The following CRB1 variants were observed in gnomAD, a reference collection of about 807,000 sequenced individuals.
CRB1 encodes the protein protein crumbs homolog 1.
A neutral mutation model predicts 120.0 loss-of-function variants in CRB1; 83 were observed. The ratio of observed to expected loss-of-function variants is 0.69; its 90% CI spans 0.58 to 0.83. The LOEUF is 0.83. Ranked by LOEUF, CRB1 falls within the 40% of genes least tolerant of loss-of-function variation. The probability of loss-of-function intolerance (pLI) is 0.00; values close to 1 mark genes in which losing one functional copy is unlikely to be tolerated. For synonymous variants in CRB1, 625 were observed against 612.5 expected, an observed-to-expected ratio of 1.02 and a Z score of -0.30; for missense variants, 1,699 against 1,687.6, an observed-to-expected ratio of 1.01 and a Z score of -0.12.
intron 1 of CRB1, among the ~76,000 whole-genome samples, chr1:197,288,058 C>T (rs143198490): frequency 2.6e-4 from 39 of 151,852 alleles, no homozygotes; most frequent in East Asian, 1.8e-3. Context: ...TCATAGAGAG[C>T]CGAGTGTTTG....
At chr1:197,337,345 T>C (rs1160086001) in intron 2 of CRB1, among the ~76,000 whole-genome samples, 1 of 152,094 alleles carries the variant, frequency 6.6e-6, no homozygotes, top group African/African-American at 2.4e-5. Flanking sequence ...AAATATATAG[T>C]AATATAAAGA....
intron 5 of CRB1, among the ~76,000 whole-genome samples, chr1:197,366,049 T>A (rs564747953): frequency 1.2e-4 from 19 of 152,156 alleles, no homozygotes; most frequent in East Asian, 7.7e-4. Context: ...AGAAAAAAAA[T>A]TTTTTTAATG....
At chr1:197,338,667 C>A (rs1028814728) in intron 2 of CRB1, among the ~76,000 whole-genome samples, 6 of 152,024 alleles carry the variant, frequency 3.9e-5, no homozygotes, top group African/African-American at 1.4e-4. Flanking sequence ...AATATGGAAA[C>A]CACAGGTTAT....
At chr1:197,334,401 T>A (rs1372925963) in intron 2 of CRB1, among the ~76,000 whole-genome samples, 1 of 152,102 alleles carries the variant, frequency 6.6e-6, no homozygotes, top group Non-Finnish European at 1.5e-5. Flanking sequence ...AATGCAATAG[T>A]ATTGGGAGGT....
chr1:197,204,435 A>C, the CRB1 span, among the ~76,000 whole-genome samples: 1 of 152,190 alleles, frequency 6.6e-6, no homozygotes, highest in Non-Finnish European at 1.5e-5. Flanking sequence ...GTCCCAGCCA[A>C]CATCTATTAT....
intron 8 of CRB1, among the ~76,000 whole-genome samples, chr1:197,431,183 G>A (rs769704148): frequency 7.9e-5 from 12 of 152,086 alleles, no homozygotes; most frequent in African/African-American, 2.7e-4. Context: ...ACTGGGCCCC[G>A]AAGTAACTGA....
chr1:197,417,088 T>C (rs148958958), intron 5 of CRB1, among the ~76,000 whole-genome samples: 66 of 152,298 alleles, frequency 4.3e-4, no homozygotes, highest in African/African-American at 1.5e-3. Context: ...GAGATTTCGT[T>C]GGAGAGGCTT....
At chr1:197,235,901 C>T in the CRB1 span, among the ~76,000 whole-genome samples, 1 of 152,028 alleles carries the variant, frequency 6.6e-6, no homozygotes, top group Non-Finnish European at 1.5e-5. Flanking sequence ...ACCATGATCC[C>T]ATCCTGGTGA....
intron 6 of CRB1, 88 bp downstream of exon 6, chr1:197,422,044 C>A: frequency 8.1e-7 from 1 of 1,231,196 alleles, no homozygotes; most frequent in Non-Finnish European, 1.2e-6. Flanking sequence ...CTTCTGCCTG[C>A]TATGAAACAT....
intron 4 of CRB1, among the ~76,000 whole-genome samples, chr1:197,348,125 G>A (rs1266113576): frequency 2.0e-5 from 3 of 152,180 alleles, no homozygotes; most frequent in Non-Finnish European, 2.9e-5. Context: ...ATATACAACC[G>A]TGGTCCTGTA....
intron 2 of CRB1, 103 bp from the exon 3 acceptor site, chr1:197,344,178 A>G: frequency 8.8e-7 from 1 of 1,130,760 alleles, no homozygotes; most frequent in Non-Finnish European, 1.4e-6. Flanking sequence ...GGGTAACAGA[A>G]CATTTGACAA....
At chr1:197,427,169 C>T (rs1415595589) in intron 6 of CRB1, among the ~76,000 whole-genome samples, 1 of 152,232 alleles carries the variant, frequency 6.6e-6, no homozygotes, top group South Asian at 2.1e-4. Flanking sequence ...TTTATCAGTG[C>T]AGAGATCTTT....
intron 11 of CRB1, among the ~76,000 whole-genome samples, chr1:197,476,726 T>C (rs1667214927): frequency 6.6e-6 from 1 of 152,090 alleles, no homozygotes; most frequent in African/African-American, 2.4e-5. Context: ...AATAGATTGG[T>C]TTGGTAACGT....
the CRB1 span, among the ~76,000 whole-genome samples, chr1:197,214,639 A>T: frequency 6.6e-6 from 1 of 152,044 alleles, no homozygotes; most frequent in Non-Finnish European, 1.5e-5. Flanking sequence ...TAAAAAACAA[A>T]GTCTGATCTG....
the CRB1 span, among the ~76,000 whole-genome samples, chr1:197,224,086 C>T: frequency 0.061 from 9,284 of 151,994 alleles, 959 homozygotes; most frequent in African/African-American, 0.21. Flanking sequence ...TAAAGACTGA[C>T]ACGTTAATAA....
At chr1:197,289,125 A>G (rs892561085) in intron 1 of CRB1, among the ~76,000 whole-genome samples, 1 of 151,792 alleles carries the variant, frequency 6.6e-6, no homozygotes, top group Non-Finnish European at 1.5e-5. Context: ...ACAGACCAAA[A>G]AAACAAAAGC....
chr1:197,272,723 AGAC>A (rs886960529), intron 1 of CRB1, among the ~76,000 whole-genome samples: 1 of 152,200 alleles, frequency 6.6e-6, no homozygotes, highest in Non-Finnish European at 1.5e-5. Context: ...ATCCTGTAAA[AGAC>A]AAAATTATAG....
intron 1 of CRB1, among the ~76,000 whole-genome samples, chr1:197,274,172 C>A (rs1474248767): frequency 1.3e-5 from 2 of 152,028 alleles, no homozygotes; most frequent in Non-Finnish European, 2.9e-5. Context: ...CAGTGAGAAA[C>A]CTGATTTCCA....
In CRB1 at chr1:197,421,672, G is replaced by A. The variant is rs768905244; in HGVS notation, c.1844G>A (p.Gly615Asp). 6 of 1,614,002 alleles carry A rather than the reference G, an allele frequency of 3.7e-6. No individual in the cohort carries two copies. The highest frequency in any genetic ancestry group is 1.7e-5 in the Admixed American group (1 of 60,000). The change falls in exon 6 of 12, where the codon GGT becomes GAT. Residue 615 changes from glycine (G) to aspartate (D), a missense_variant. By Grantham distance (94) the Gly-to-Asp change is moderately conservative (BLOSUM62 -1). Coordinates refer to ENST00000367400, the MANE Select transcript of CRB1 (RefSeq NM_201253.3). ...GCTTTTCAGAACTCCTTTTTGGGTG[G>A]TTTACCAGTGGGAATGACCAGCAAT... Reference protein sequence around the residue: ...ICAFQNSFLGGLPVGMTSNGV... With the variant: ...ICAFQNSFLGDLPVGMTSNGV...
Sources: gnomAD v4.1 joint callset for allele counts (sites outside exome capture counted in the v4.1 genomes callset) on GRCh38, gnomAD v4.1.1 for gene constraint, MANE v1.5 for transcripts, NCBI Gene and HGNC (gene_info 2026-07-23, HGNC 2026-07-21) for gene names.